The following CDH3 variants were observed in gnomAD, a reference collection of about 807,000 sequenced individuals.
CDH3 encodes the protein cadherin 3.
CDH3 carries 54 observed loss-of-function variants against 82.0 expected under a neutral mutation model. The ratio of observed to expected loss-of-function variants is 0.66; its 90% CI spans 0.53 to 0.83. The LOEUF is 0.83. CDH3 is among the 40% of genes least tolerant of loss of function. CDH3 has a pLI of 0.00. For missense variants in CDH3, 1,054 were observed against 1,084.6 expected (o/e 0.97, Z 0.40); for synonymous variants, 446 against 437.9 (o/e 1.02, Z -0.23).
At chr16:68,667,866 A>G (rs1409498011) in intron 2 of CDH3, among the ~76,000 whole-genome samples, 2 of 152,180 alleles carry the variant, frequency 1.3e-5, no homozygotes, top group African/African-American at 4.8e-5. Context: ...GTGCAGATAC[A>G]TAGAGCTCTG....
intron 2 of CDH3, among the ~76,000 whole-genome samples, chr16:68,662,636 C>T (rs944047498): frequency 6.0e-5 from 9 of 150,832 alleles, no homozygotes; most frequent in African/African-American, 2.2e-4. Context: ...AGCTCCACCT[C>T]CGGGTTCACA....
intron 1 of CDH3, among the ~76,000 whole-genome samples, chr16:68,718,134 G>A (rs961506689): frequency 6.6e-6 from 1 of 151,674 alleles, no homozygotes; most frequent in Non-Finnish European, 1.5e-5. Context: ...TCAGCCTCCT[G>A]GGTAGCTAGG....
chr16:68,645,979 C>A, intron 2 of CDH3: 2 of 563,090 alleles, frequency 3.6e-6, no homozygotes, highest in South Asian at 4.4e-5. Flanking sequence ...CCACTGCTTA[C>A]CTTGACCCCC....
chr16:68,651,541 C>A (rs143654849), intron 2 of CDH3: 12 of 497,326 alleles, frequency 2.4e-5, no homozygotes, highest in Non-Finnish European at 4.0e-5. Flanking sequence ...ATGTCCACCC[C>A]GCTCTGCAGC....
intron 13 of CDH3, 103 bp downstream of exon 13, chr16:68,692,029 C>T: frequency 1.2e-6 from 1 of 833,644 alleles, no homozygotes; most frequent in Non-Finnish European, 1.9e-6. Flanking sequence ...CCAACATTGC[C>T]CGTCCACTCC....
chr16:68,711,349 G>A (rs2152110102), intron 1 of CDH3, among the ~76,000 whole-genome samples: 1 of 148,110 alleles, frequency 6.8e-6, no homozygotes, highest in Non-Finnish European at 1.5e-5. Context: ...GAAAGAAAAA[G>A]AAAGAAAAGG....
intron 2 of CDH3, among the ~76,000 whole-genome samples, chr16:68,649,865 A>G (rs146860111): frequency 1.3e-5 from 2 of 152,026 alleles, no homozygotes; most frequent in African/African-American, 4.8e-5. Context: ...GAAATCCCGT[A>G]TCTACTAAAA....
intron 2 of CDH3, among the ~76,000 whole-genome samples, chr16:68,675,700 G>A (rs761696993): frequency 1.6e-4 from 24 of 151,674 alleles, no homozygotes; most frequent in Non-Finnish European, 2.9e-4. Context: ...AGGTTGAGGC[G>A]GGAGAATCAC....
chr16:68,672,623 C>T (rs912423709), intron 2 of CDH3, among the ~76,000 whole-genome samples: 3 of 152,180 alleles, frequency 2.0e-5, no homozygotes, highest in African/African-American at 7.2e-5. Context: ...AGGCCCAGAT[C>T]TCCTTTCCCC....
intron 11 of CDH3, among the ~76,000 whole-genome samples, chr16:68,685,761 C>T (rs181721423): frequency 2.0e-5 from 3 of 152,296 alleles, no homozygotes; most frequent in African/African-American, 7.2e-5. Context: ...GAGCCAAGAT[C>T]GTGCCACTGC....
intron 2 of CDH3, among the ~76,000 whole-genome samples, chr16:68,667,088 A>G (rs1340666621): frequency 4.6e-5 from 7 of 152,166 alleles, no homozygotes; most frequent in Non-Finnish European, 1.0e-4. Context: ...CCGGTTCCCA[A>G]CTGTGACACA....
chr16:68,703,535 C>T (rs76774521), downstream of CDH3, among the ~76,000 whole-genome samples: 100 of 152,340 alleles, frequency 6.6e-4, 1 homozygote, highest in East Asian at 0.018. Flanking sequence ...CAGAACCCAC[C>T]TTCTGGCCTC....
At chr16:68,702,964 C>T (rs1223473588), downstream of CDH3, among the ~76,000 whole-genome samples, 1 of 152,138 alleles carries the variant, frequency 6.6e-6, no homozygotes, top group Non-Finnish European at 1.5e-5. Flanking sequence ...TATGAACCCC[C>T]AAATCCAGAG....
At chr16:68,678,987 C>A in intron 6 of CDH3, 81 bp downstream of exon 6, 1 of 1,446,476 alleles carries the variant, frequency 6.9e-7, no homozygotes, top group Non-Finnish European at 9.7e-7. Flanking sequence ...ACCTGATTTC[C>A]TTGGCTGTGT....
intron 2 of CDH3, among the ~76,000 whole-genome samples, chr16:68,670,171 C>T (rs1360390003): frequency 6.9e-6 from 1 of 145,598 alleles, no homozygotes; most frequent in Non-Finnish European, 1.5e-5. Flanking sequence ...TTGCAGTGAG[C>T]CGAGATTGCG....
chr16:68,658,026 C>T (rs1960451179), intron 2 of CDH3, among the ~76,000 whole-genome samples: 1 of 151,718 alleles, frequency 6.6e-6, no homozygotes, highest in Admixed American at 6.6e-5. Context: ...ATTTGGGGAC[C>T]ACAGGTATTC....
rs559732025 is a variant in CDH3, at chr16:68,724,926, G to A, written c.*46-2227G>A. 3.3e-5 allele frequency among the ~76,000 whole-genome samples: 5 copies of A among 152,226 alleles called. No individual in the cohort carries two copies. The East Asian group carries it at 7.7e-4, about 24-fold the overall frequency. On this transcript the variant is annotated intron_variant, in intron 2 of 2. Transcript: ENST00000569080. ...TTCATTGGCTGCCGAGCCAGCAGAG[G>A]GTTGGTTGGGGAAGGGTTTATCTCT...
intron 2 of CDH3, among the ~76,000 whole-genome samples, chr16:68,671,012 G>T (rs1436625850): frequency 6.6e-6 from 1 of 152,156 alleles, no homozygotes; most frequent in African/African-American, 2.4e-5. Context: ...GGTGGAGGTT[G>T]CAGTAAGCTG....
intron 2 of CDH3, among the ~76,000 whole-genome samples, chr16:68,673,620 T>A (rs1476278824): frequency 3.9e-5 from 6 of 152,132 alleles, no homozygotes; most frequent in Non-Finnish European, 8.8e-5. Context: ...CATGCCCAGA[T>A]GATTTTCAAA....
Sources: allele counts gnomAD v4.1 joint callset (sites outside exome capture counted in the v4.1 genomes callset), GRCh38; gene constraint gnomAD v4.1.1; transcripts MANE v1.5; gene names NCBI Gene and HGNC (gene_info 2026-07-23, HGNC 2026-07-21).